DNMT3A: variants seen among roughly 807,000 people sequenced by gnomAD.
DNMT3A encodes DNA (cytosine-5)-methyltransferase 3A.
In DNMT3A, 267 loss-of-function variants were observed where a neutral mutation model predicts 117.6. The ratio of observed to expected loss-of-function variants is 2.27; its 90% confidence interval spans 2.05 to 2.51. The LOEUF (loss-of-function observed/expected upper bound fraction) is 2.51, where lower values mean the gene tolerates loss of function less well. DNMT3A is among the 30% of genes most tolerant of loss of function. The probability of loss-of-function intolerance (pLI) is 0.00; values close to 1 mark genes in which losing one functional copy is unlikely to be tolerated. For missense variants in DNMT3A, 1,029 were observed against 1,260.2 expected (o/e 0.82, Z 2.78); for synonymous variants, 432 against 474.8 (o/e 0.91, Z 1.17).
chr2:25,244,087 C>T, intron 15 of DNMT3A, 68 bp downstream of exon 15: 2 of 1,605,610 alleles, frequency 1.2e-6, no homozygotes, highest in Non-Finnish European at 8.5e-7. Context: ...ACCCTGCGCA[C>T]AGCTCAGGCC....
chr2:25,289,369 G>A (rs530619227), intron 3 of DNMT3A, among the ~76,000 whole-genome samples: 4 of 152,242 alleles, frequency 2.6e-5, no homozygotes, highest in African/African-American at 9.6e-5. Context: ...CAAAGTGCTG[G>A]GATTACAGGC....
rs1257864493 is a variant in DNMT3A at position 25,304,757 on chromosome 2, A to T, written c.73-4514T>A. On this transcript the variant is annotated intron_variant, in intron 2 of 22. Coordinates refer to ENST00000321117, the MANE Select transcript of DNMT3A (RefSeq NM_022552.5). This position sits in a 1 kb window ranked among gnomAD's most constrained non-coding sequence, Gnocchi z 4.3. ...ACTGTGGTCCCAACAGACAGCACCA[A>T]GCGCGAAAGCAAACTGCTTCCGGCC... Among the ~76,000 whole-genome samples, 1 of 152,224 alleles carries T rather than the reference A, an allele frequency of 6.6e-6. No homozygotes were observed. The highest frequency in any genetic ancestry group is 2.1e-4 in the South Asian group (1 of 4,834).
chr2:25,335,479 G>A (rs1365473565), intron 1 of DNMT3A, among the ~76,000 whole-genome samples: 1 of 152,110 alleles, frequency 6.6e-6, no homozygotes, highest in Non-Finnish European at 1.5e-5. Flanking sequence ...TATTCCCCAG[G>A]ACACAGCCCA....
intron 1 of DNMT3A, among the ~76,000 whole-genome samples, chr2:25,330,820 A>C (rs1461177330): frequency 6.6e-6 from 1 of 152,208 alleles, no homozygotes; most frequent in Non-Finnish European, 1.5e-5. Flanking sequence ...GAAAACAGGA[A>C]CTGACCCCCA....
At chr2:25,248,939 C>G (rs1012160285) in intron 6 of DNMT3A, among the ~76,000 whole-genome samples, 3 of 152,166 alleles carry the variant, frequency 2.0e-5, no homozygotes, top group African/African-American at 7.2e-5. Flanking sequence ...CATATGTATT[C>G]ATGTGCCATG....
In DNMT3A at chr2:25,246,191, C is replaced by T. The variant is rs773490947; in HGVS notation, c.1398G>A (p.Lys466=). The change falls in exon 11 of 23, where the codon AAG becomes AAA. Residue 466 remains lysine, a synonymous_variant. Coordinates refer to ENST00000321117, the MANE Select transcript of DNMT3A (RefSeq NM_022552.5). ...TGCGCTCATCAATAATCTCCTTGAC[C>T]TTGGGCTTCTCCGCTGTGCTCTTCC... ...KPRKSTAEKP[K]VKEIIDERTR... 1.2e-6 allele frequency: 2 copies of T among 1,614,058 alleles called. No individual in the cohort carries two copies. The highest frequency in any genetic ancestry group is 1.7e-6 in the Non-Finnish European group (2 of 1,179,958).
Position 25,247,871 on chromosome 2 carries a change from C to G in DNMT3A, c.856-122G>C. 2 of 1,528,416 alleles carry G rather than the reference C, an allele frequency of 1.3e-6. No homozygotes were observed. Among genetic ancestry groups the G allele is most frequent in the Non-Finnish European group, 1.8e-6 (2 of 1,138,166 alleles). The allele number at this position is 1,528,416 out of a possible 1,614,324, so 94.7% of individuals were successfully genotyped here. A position where few individuals can be genotyped will look rare whatever the true frequency, so the allele number is the denominator to read the frequency against. ...CAGGACAGCCAGGAGGGAGCTCCATCTGAATGAGGCAAGACAGAGCAAAAT... is the reference window on the plus strand; with the variant it reads ...CAGGACAGCCAGGAGGGAGCTCCATGTGAATGAGGCAAGACAGAGCAAAAT... On this transcript the variant is annotated intron_variant, in intron 7 of 22. Transcript: ENST00000321117. This position sits in a 1 kb window ranked among gnomAD's most constrained non-coding sequence, Gnocchi z 5.6.
chr2:25,315,648 C>T (rs1192428505), intron 1 of DNMT3A, among the ~76,000 whole-genome samples: 1 of 152,202 alleles, frequency 6.6e-6, no homozygotes, highest in Non-Finnish European at 1.5e-5. Flanking sequence ...TTACAGGTGA[C>T]GGTAAGATCA....
intron 1 of DNMT3A, among the ~76,000 whole-genome samples, chr2:25,325,670 G>A (rs570426802): frequency 2.6e-5 from 4 of 152,172 alleles, no homozygotes; most frequent in African/African-American, 7.2e-5. Context: ...TGGCTTTCTC[G>A]AACTCCTTAC....
At chr2:25,261,241 C>T (rs1363181712) in intron 6 of DNMT3A, among the ~76,000 whole-genome samples, 1 of 151,750 alleles carries the variant, frequency 6.6e-6, no homozygotes, top group African/African-American at 2.4e-5. Flanking sequence ...GAGTTTGAGA[C>T]TAGCCTGGCC....
intron 2 of DNMT3A, among the ~76,000 whole-genome samples, chr2:25,308,994 C>A (rs1358818413): frequency 1.3e-5 from 2 of 151,980 alleles, no homozygotes; most frequent in Non-Finnish European, 2.9e-5. Context: ...CACACACACA[C>A]ACACACGCAC....
At chr2:25,259,940 C>T (rs761103096) in intron 6 of DNMT3A, among the ~76,000 whole-genome samples, 11 of 152,318 alleles carry the variant, frequency 7.2e-5, no homozygotes, top group Non-Finnish European at 1.3e-4. Context: ...AAGTCCTTTC[C>T]GGTCTTTCCC....
At chr2:25,310,129 A>G (rs900396467) in intron 2 of DNMT3A, among the ~76,000 whole-genome samples, 2 of 152,134 alleles carry the variant, frequency 1.3e-5, no homozygotes, top group African/African-American at 2.4e-5. Context: ...CATCTTAGCC[A>G]TTGTGTTTCT....
In DNMT3A at chr2:25,237,638, G is replaced by A. The variant is rs948276955; in HGVS notation, c.2409-633C>T. On this transcript the variant is annotated intron_variant, in intron 20 of 22. Coordinates refer to ENST00000321117, the MANE Select transcript of DNMT3A (RefSeq NM_022552.5). This position sits in a 1 kb window ranked among gnomAD's most constrained non-coding sequence, Gnocchi z 5.4. ...AAATTAGCCAGACGTGGTGGCAGGTGCCTGTAATCCCAGCTACTCGGGAGG... is the reference window on the plus strand; with the variant it reads ...AAATTAGCCAGACGTGGTGGCAGGTACCTGTAATCCCAGCTACTCGGGAGG... 2.0e-5 allele frequency among the ~76,000 whole-genome samples: 3 copies of A among 152,116 alleles called. No homozygotes were observed. Among genetic ancestry groups the A allele is most frequent in the Admixed American group, 1.3e-4 (2 of 15,266 alleles).
chr2:25,249,423 T>C (rs993816488), intron 6 of DNMT3A, among the ~76,000 whole-genome samples: 9 of 152,210 alleles, frequency 5.9e-5, no homozygotes, highest in East Asian at 1.9e-4. Flanking sequence ...CCCAAGAGCC[T>C]GTCTGTTCCC....
Position 25,247,938 on chromosome 2 carries a change from C to T in DNMT3A, c.855+99G>A, listed in dbSNP as rs1191535749. ...CCCGGGGTCAGGTGGAGAGAGCGAGCGGCCCGTGGGAGATGGAGAGAGGAG... is the reference window on the plus strand; with the variant it reads ...CCCGGGGTCAGGTGGAGAGAGCGAGTGGCCCGTGGGAGATGGAGAGAGGAG... On this transcript the variant is annotated intron_variant, in intron 7 of 22. Transcript: ENST00000321117. This position sits in a 1 kb window ranked among gnomAD's most constrained non-coding sequence, Gnocchi z 5.6. 23 of 1,552,332 alleles carry T rather than the reference C, an allele frequency of 1.5e-5. No individual in the cohort carries two copies. The South Asian group carries it at 1.8e-4, about 12-fold the overall frequency.
At chr2:25,300,714 T>C (rs12990454) in intron 2 of DNMT3A, among the ~76,000 whole-genome samples, 1 of 4,018 alleles carries the variant, frequency 2.5e-4, no homozygotes, top group Non-Finnish European at 5.3e-4. Context: ...AATAATATAA[T>C]ATATATATAT....
chr2:25,336,232 A>G (rs927187187), intron 1 of DNMT3A, among the ~76,000 whole-genome samples: 6 of 152,202 alleles, frequency 3.9e-5, no homozygotes, highest in Non-Finnish European at 7.3e-5. Flanking sequence ...GGTTCTGCCC[A>G]GCGTGTGTGT....
chr2:25,294,292 C>T lies in DNMT3A; in HGVS notation c.177+5847G>A, dbSNP rs183385239. ...GCACTCCAGTAGCGGGCGTTGATTT[C>T]ACCGCTCAGGTCGGGGAGTGGGTGG... is the stretch of plus-strand genomic sequence containing the variant. On this transcript the variant is annotated intron_variant, in intron 3 of 22. Coordinates refer to ENST00000321117, the MANE Select transcript of DNMT3A (RefSeq NM_022552.5). This position sits in a 1 kb window ranked among gnomAD's most constrained non-coding sequence, Gnocchi z 4.7. Among the ~76,000 whole-genome samples the T allele has an allele frequency of 3.3e-5, 5 of 152,304 alleles. No homozygotes were observed. The highest frequency in any genetic ancestry group is 3.3e-4 in the Admixed American group (5 of 15,296).
Sources: allele counts gnomAD v4.1 joint callset (sites outside exome capture counted in the v4.1 genomes callset), GRCh38; gene constraint gnomAD v4.1.1; non-coding constraint Gnocchi (gnomAD v3.1); transcripts MANE v1.5; gene names NCBI Gene and HGNC (gene_info 2026-07-23, HGNC 2026-07-21).